The following KCNQ3 variants were observed in gnomAD, a reference collection of about 807,000 sequenced individuals.
KCNQ3 encodes potassium voltage-gated channel subfamily Q member 3, also known as potassium voltage-gated channel subfamily KQT member 3.
KCNQ3 carries 30 observed loss-of-function variants against 92.5 expected under a neutral mutation model. The ratio of observed to expected loss-of-function variants is 0.32; its 90% CI spans 0.24 to 0.44. KCNQ3 has a LOEUF of 0.44. KCNQ3 is among the 20% of genes least tolerant of loss of function. KCNQ3 has a pLI of 1.00. For missense variants in KCNQ3, 913 were observed against 1,140.3 expected (o/e 0.80, Z 2.87); for synonymous variants, 450 against 468.8 (o/e 0.96, Z 0.52).
intron 1 of KCNQ3, among the ~76,000 whole-genome samples, chr8:132,329,335 G>A (rs988025134): frequency 2.0e-5 from 3 of 152,174 alleles, no homozygotes; most frequent in African/African-American, 2.4e-5. Flanking sequence ...CCCAGGTAAC[G>A]AGGTGCTGTA....
chr8:132,226,286 T>A (rs1038353040), intron 1 of KCNQ3, among the ~76,000 whole-genome samples: 21 of 143,074 alleles, frequency 1.5e-4, no homozygotes, highest in Non-Finnish European at 2.8e-4. Context: ...AAAAAAAAAA[T>A]CATGGAGGAT....
intron 1 of KCNQ3, among the ~76,000 whole-genome samples, chr8:132,228,759 G>GAA (rs34561294): frequency 5.9e-5 from 7 of 118,250 alleles, no homozygotes; most frequent in African/African-American, 9.5e-5. Context: ...GCTGACTCTT[G>GAA]AAAAAAAAAA....
intron 2 of KCNQ3, among the ~76,000 whole-genome samples, chr8:132,185,746 G>C (rs960494916): frequency 6.6e-6 from 1 of 152,234 alleles, no homozygotes; most frequent in Non-Finnish European, 1.5e-5. Flanking sequence ...GGAAGAAAAA[G>C]CAGAGACAGG....
chr8:132,251,528 C>T (rs972255010), intron 1 of KCNQ3, among the ~76,000 whole-genome samples: 2 of 152,200 alleles, frequency 1.3e-5, no homozygotes, highest in African/African-American at 4.8e-5. Flanking sequence ...CTCTTCCAAA[C>T]ATGATACTTT....
At chr8:132,337,327 T>G (rs1383763649) in intron 1 of KCNQ3, among the ~76,000 whole-genome samples, 6 of 151,970 alleles carry the variant, frequency 3.9e-5, no homozygotes, top group Admixed American at 2.6e-4. Context: ...ATAAACCCAG[T>G]CTCTATAAAA....
At chr8:132,190,602 C>T (rs1378182350) in intron 1 of KCNQ3, among the ~76,000 whole-genome samples, 1 of 152,136 alleles carries the variant, frequency 6.6e-6, no homozygotes, top group Admixed American at 6.5e-5. Flanking sequence ...CAAGGGTCAA[C>T]AATCATGGGA....
intron 1 of KCNQ3, among the ~76,000 whole-genome samples, chr8:132,456,526 AT>A (rs1372408516): frequency 3.3e-5 from 5 of 152,022 alleles, no homozygotes; most frequent in Non-Finnish European, 7.4e-5. Context: ...CACTTTTGAA[AT>A]GATGTATGTG....
At chr8:132,436,452 C>T (rs1467804667) in intron 1 of KCNQ3, among the ~76,000 whole-genome samples, 3 of 152,168 alleles carry the variant, frequency 2.0e-5, no homozygotes, top group Admixed American at 2.0e-4. Context: ...ATGAGAAAAA[C>T]TGAAAACAGC....
intron 1 of KCNQ3, among the ~76,000 whole-genome samples, chr8:132,446,524 G>A (rs1330741240): frequency 1.3e-5 from 2 of 152,078 alleles, no homozygotes; most frequent in African/African-American, 4.8e-5. Context: ...GAGCTAGACT[G>A]GGAAGACCTC....
intron 1 of KCNQ3, among the ~76,000 whole-genome samples, chr8:132,315,221 C>T (rs984333253): frequency 3.3e-5 from 5 of 151,610 alleles, no homozygotes; most frequent in South Asian, 2.1e-4. Context: ...GTGGGGAAAA[C>T]GAGGGGAAGG....
intron 1 of KCNQ3, among the ~76,000 whole-genome samples, chr8:132,417,430 C>G (rs1238762956): frequency 6.6e-6 from 1 of 152,192 alleles, no homozygotes; most frequent in East Asian, 1.9e-4. Flanking sequence ...CCAATCAGAA[C>G]TCAGAGGCAA....
chr8:132,387,544 A>G (rs1404494811), intron 1 of KCNQ3, among the ~76,000 whole-genome samples: 1 of 152,224 alleles, frequency 6.6e-6, no homozygotes, highest in African/African-American at 2.4e-5. Context: ...GAAGACTGAT[A>G]GAGGAGATTT....
rs147058920 is a variant in KCNQ3 at position 132,288,998 on chromosome 8, T to C, written c.387-102817A>G. On this transcript the variant is annotated intron_variant, in intron 1 of 14. Coordinates refer to ENST00000388996, the MANE Select transcript of KCNQ3 (RefSeq NM_004519.4). The stretch of plus-strand genomic sequence containing the variant: ...CAAGTGAAAAGGTAGGAGTTCCAAG[T>C]GGCAGAACTATGGTTGGTGTTCAAG... 7.2e-3 allele frequency among the ~76,000 whole-genome samples: 1,098 copies of C among 152,326 alleles called. 20 individuals are homozygous for C. Among genetic ancestry groups the C allele is most frequent in the South Asian group, 0.016 (78 of 4,832 alleles).
At chr8:132,456,701 T>A (rs1486087667) in intron 1 of KCNQ3, among the ~76,000 whole-genome samples, 1 of 152,048 alleles carries the variant, frequency 6.6e-6, no homozygotes, top group Non-Finnish European at 1.5e-5. Flanking sequence ...AAACTCCACC[T>A]GCCAGGTTCA....
intron 1 of KCNQ3, among the ~76,000 whole-genome samples, chr8:132,465,798 C>T (rs1822158716): frequency 6.6e-6 from 1 of 151,808 alleles, no homozygotes. Context: ...GTGGTCTCAG[C>T]TACTTGGGAG....
At chr8:132,474,796 C>T (rs1010421868) in intron 1 of KCNQ3, among the ~76,000 whole-genome samples, 1 of 152,120 alleles carries the variant, frequency 6.6e-6, no homozygotes, top group Middle Eastern at 3.4e-3. Flanking sequence ...CAATCAAATG[C>T]GAGGTACAAA....
chr8:132,445,360 A>G (rs1178500686), intron 1 of KCNQ3, among the ~76,000 whole-genome samples: 1 of 152,154 alleles, frequency 6.6e-6, no homozygotes, highest in African/African-American at 2.4e-5. Context: ...GGCCCAGGGC[A>G]GCACAGCCAC....
chr8:132,479,990 A>C (rs1031385836), intron 1 of KCNQ3, among the ~76,000 whole-genome samples, 157 bp downstream of exon 1: 9 of 147,810 alleles, frequency 6.1e-5, no homozygotes, highest in East Asian at 4.2e-4. Context: ...ACACACACAC[A>C]CACCCAGGGA....
At chr8:132,184,466 G>T in intron 2 of KCNQ3, 99 bp from the exon 3 acceptor site, 1 of 1,430,506 alleles carries the variant, frequency 7.0e-7, no homozygotes, top group Non-Finnish European at 9.7e-7. Flanking sequence ...TCCATTTTGT[G>T]CTGTTGCTGG....
Sources: allele counts gnomAD v4.1 joint callset (sites outside exome capture counted in the v4.1 genomes callset), GRCh38; gene constraint gnomAD v4.1.1; transcripts MANE v1.5; gene names NCBI Gene and HGNC (gene_info 2026-07-23, HGNC 2026-07-21).